Variants in DDX46 observed in about 807,000 individuals in gnomAD.
DDX46 encodes probable ATP-dependent RNA helicase DDX46.
Under a neutral mutation model 134.9 loss-of-function variants are expected in DDX46, and 30 were observed. That is an observed-to-expected ratio of 0.22 (90% CI 0.17 to 0.30). The LOEUF is 0.30. Ranked by LOEUF, DDX46 falls within the 10% of genes least tolerant of loss-of-function variation. The probability of loss-of-function intolerance (pLI) is 1.00; values close to 1 mark genes in which losing one functional copy is unlikely to be tolerated. For synonymous variants in DDX46, 415 were observed against 404.1 expected (o/e 1.03, Z -0.32); for missense variants, 622 against 1,248.7 (o/e 0.50, Z 7.56).
chr5:134,788,718 T>G, intron 12 of DDX46, 127 bp downstream of exon 12: 1 of 795,568 alleles, frequency 1.3e-6, no homozygotes, highest in South Asian at 1.7e-5. Context: ...TCTTAAAATT[T>G]GTAGCCTGTA....
intron 18 of DDX46, among the ~76,000 whole-genome samples, chr5:134,815,490 C>G (rs534011967): frequency 6.6e-6 from 1 of 151,848 alleles, no homozygotes; most frequent in Non-Finnish European, 1.5e-5. Flanking sequence ...GGGCGGATCA[C>G]GAGGTCAGGA....
intron 18 of DDX46, among the ~76,000 whole-genome samples, chr5:134,812,082 G>A (rs1053458108): frequency 3.2e-4 from 4 of 12,388 alleles, no homozygotes; most frequent in South Asian, 1.6e-3. Flanking sequence ...TTTTTTTTTT[G>A]CGATGGGAGT....
chr5:134,807,965 G>T, intron 16 of DDX46, 24 bp downstream of exon 16: 2 of 1,570,026 alleles, frequency 1.3e-6, no homozygotes, highest in East Asian at 2.3e-5. Context: ...TTTTATAGTT[G>T]ATCTTCATTA....
intron 13 of DDX46, among the ~76,000 whole-genome samples, chr5:134,792,712 A>G (rs993642201): frequency 2.6e-5 from 4 of 152,346 alleles, no homozygotes; most frequent in South Asian, 2.1e-4. Context: ...ATACAGGTAC[A>G]TAAGTACATA....
At chr5:134,790,756 G>A (rs760838647) in intron 13 of DDX46, among the ~76,000 whole-genome samples, 22 of 152,038 alleles carry the variant, frequency 1.4e-4, no homozygotes, top group Non-Finnish European at 3.1e-4. Context: ...TATTTATACC[G>A]GCATTTCTTA....
At chr5:134,801,087 C>T (rs1166614665) in intron 15 of DDX46, among the ~76,000 whole-genome samples, 1 of 152,172 alleles carries the variant, frequency 6.6e-6, no homozygotes, top group East Asian at 1.9e-4. Flanking sequence ...AGTTTGAGAC[C>T]AGTCTGGGCA....
At chr5:134,801,207 G>A (rs1402226624) in intron 15 of DDX46, among the ~76,000 whole-genome samples, 6 of 152,016 alleles carry the variant, frequency 3.9e-5, no homozygotes, top group South Asian at 2.1e-4. Flanking sequence ...CCTGGGAGGC[G>A]GAGGTTTCAG....
chr5:134,800,761 C>T (rs1281630868), intron 15 of DDX46, among the ~76,000 whole-genome samples: 4 of 152,190 alleles, frequency 2.6e-5, no homozygotes, highest in East Asian at 1.9e-4. Context: ...CTGCAACCTC[C>T]GCCTCCCGGG....
At chr5:134,808,799 T>G (rs184581901) in intron 16 of DDX46, among the ~76,000 whole-genome samples, 6 of 152,308 alleles carry the variant, frequency 3.9e-5, no homozygotes, top group Admixed American at 2.0e-4. Flanking sequence ...AGACATTGAT[T>G]ATGATATATT....
chr5:134,811,704 A>G lies in DDX46; in HGVS notation c.2295A>G (p.Lys765=), dbSNP rs1160179813. ...DFKDQQKAEG[K]IIKKSSGFSG... ...TTTTCTTTTTTTGAAAGGAGGGGAAAATAATTAAAAAGAGTAGTGGGTTCT... is the reference window on the plus strand; with the variant it reads ...TTTTCTTTTTTTGAAAGGAGGGGAAGATAATTAAAAAGAGTAGTGGGTTCT... Residue 765 remains lysine (K), a synonymous_variant, in exon 18 of 23, where the codon AAA becomes AAG. Coordinates refer to ENST00000452510, the MANE Select transcript of DDX46 (RefSeq NM_001300860.2). 2.4e-5 allele frequency: 38 copies of G among 1,588,986 alleles called. No individual in the cohort carries two copies. The highest frequency in any genetic ancestry group is 3.1e-5 in the Non-Finnish European group (36 of 1,173,042).
rs915751437 is a variant in DDX46, at chr5:134,758,781, G to A, written c.-158G>A. Reference sequence around the variant, plus strand: ...TCGGCTGCCGGCGCCAGCACGTCCTGTTTTCGTTGGCCGCGCTGGGATGGC... The same window carrying A: ...TCGGCTGCCGGCGCCAGCACGTCCTATTTTCGTTGGCCGCGCTGGGATGGC... On this transcript the variant is annotated 5_prime_UTR_variant, in exon 1 of 23. Transcript: ENST00000452510. 4.3e-6 allele frequency: 5 copies of A among 1,167,324 alleles called. No individual in the cohort carries two copies. Among genetic ancestry groups the A allele is most frequent in the Non-Finnish European group, 6.2e-6 (5 of 809,632 alleles). The allele number at this position is 1,167,324 out of a possible 1,614,324, so 72.3% of individuals were successfully genotyped here.
At chr5:134,824,424 C>G (rs927820428) in intron 21 of DDX46, among the ~76,000 whole-genome samples, 2 of 152,084 alleles carry the variant, frequency 1.3e-5, no homozygotes, top group African/African-American at 4.8e-5. Flanking sequence ...AACCCCGTCT[C>G]TACTAAATAC....
At chr5:134,770,062 T>C (rs1410615292) in intron 3 of DDX46, among the ~76,000 whole-genome samples, 1 of 152,104 alleles carries the variant, frequency 6.6e-6, no homozygotes, top group African/African-American at 2.4e-5. Context: ...ACTTATGTAT[T>C]TTTTGTTTTA....
chr5:134,817,651 T>G lies in DDX46; in HGVS notation c.2769T>G (p.Asp923Glu). 1 of 1,614,166 alleles carries G rather than the reference T, an allele frequency of 6.2e-7. No homozygotes were observed. Among genetic ancestry groups the G allele is most frequent in the Non-Finnish European group, 8.5e-7 (1 of 1,180,028 alleles). Residue 923 changes from aspartate to glutamate, a missense_variant, in exon 20 of 23, where the codon GAT becomes GAG. Around this residue, in one of 8 missense-constraint regions of DDX46, gnomAD observed 76 missense variants for 213.0 expected, o/e 0.36. Transcript: ENST00000452510. ...AGAAACAAGAAGAAGAGAGACAGGA[T>G]GGTGGACAGAATGAATCTTTTAAGA... ...PLEKQEEERQ[D>E]GGQNESFKRY...
At chr5:134,805,496 T>A (rs1243733618) in intron 15 of DDX46, among the ~76,000 whole-genome samples, 1 of 151,834 alleles carries the variant, frequency 6.6e-6, no homozygotes, top group African/African-American at 2.4e-5. Context: ...AAATCCAGTA[T>A]TTAAAAATTT....
intron 1 of DDX46, among the ~76,000 whole-genome samples, chr5:134,759,729 G>A (rs965863439): frequency 6.6e-6 from 1 of 152,092 alleles, no homozygotes; most frequent in Admixed American, 6.6e-5. Context: ...TCTTTGTTGA[G>A]GTACAATTAA....
Position 134,774,614 on chromosome 5 carries a change from C to CT in DDX46, c.613+756dup, listed in dbSNP as rs1753877031. On this transcript the variant is annotated intron_variant, in intron 5 of 22. Coordinates refer to ENST00000452510, the MANE Select transcript of DDX46 (RefSeq NM_001300860.2). ...TATTGGGCATAGCCAGTAAATAGTTCTTTAATATATTATACCAATGTGAAC... is the reference window on the plus strand; with the variant it reads ...TATTGGGCATAGCCAGTAAATAGTTCTTTTAATATATTATACCAATGTGAAC... 8.5e-5 allele frequency among the ~76,000 whole-genome samples: 13 copies of CT among 152,276 alleles called. No homozygotes were observed. In the South Asian group the frequency reaches 2.7e-3, roughly 32 times the overall value.
At position 134,830,128 on chromosome 5, in the gene DDX46, G is replaced by T. The variant is rs1343549573; in HGVS notation, c.*1422G>T. On this transcript the variant is annotated 3_prime_UTR_variant, in exon 23 of 23. Transcript: ENST00000452510. ...TAAAGTCAGTCTTTTATATCCAAGG[G>T]TTTCAAACCCACAGATTAAACCAAC... is the stretch of plus-strand genomic sequence containing the variant. The T allele has an allele frequency of 7.0e-6, 1 of 142,632 alleles. No individual in the cohort carries two copies. The highest frequency in any genetic ancestry group is 1.5e-5 in the Non-Finnish European group (1 of 66,606). The allele number at this position is 142,632 out of a possible 1,614,324, so 8.8% of individuals were successfully genotyped here. A position where few individuals can be genotyped will look rare whatever the true frequency, so the allele number is the denominator to read the frequency against.
intron 19 of DDX46, 49 bp downstream of exon 19, chr5:134,816,655 GA>G: frequency 6.4e-7 from 1 of 1,561,242 alleles, no homozygotes; most frequent in Non-Finnish European, 8.7e-7. Flanking sequence ...GAAGTTCTTT[GA>G]TTTTACTTTT....
Sources: allele counts gnomAD v4.1 joint callset (sites outside exome capture counted in the v4.1 genomes callset), GRCh38; gene constraint gnomAD v4.1.1; regional missense constraint gnomAD v4.1.1; transcripts MANE v1.5; gene names NCBI Gene and HGNC (gene_info 2026-07-23, HGNC 2026-07-21).